Variants in CWC25 observed in about 807,000 individuals in gnomAD.
The protein encoded by CWC25 is pre-mRNA-splicing factor CWC25 homolog.
CWC25 carries 31 observed loss-of-function variants against 54.6 expected under a neutral mutation model. The ratio of observed to expected loss-of-function variants is 0.57; its 90% CI spans 0.43 to 0.77. The LOEUF is 0.77. Ranked by LOEUF, CWC25 falls within the 30% of genes least tolerant of loss-of-function variation. The pLI is 0.00. For synonymous variants in CWC25, 151 were observed against 187.0 expected (o/e 0.81, Z 1.57); for missense variants, 453 against 529.3 (o/e 0.86, Z 1.41).
chr17:38,806,457 T>C lies in CWC25; in HGVS notation c.903-62A>G, dbSNP rs1451200030. On this transcript the variant is annotated intron_variant, in intron 7 of 9. Coordinates refer to ENST00000614790, the MANE Select transcript of CWC25 (RefSeq NM_017748.5). ...TTTTGGTCCAGGGGCTTACACTGAA[T>C]CCCTCAAACAATGCAAGATGAGCTA... 2.2e-6 allele frequency: 3 copies of C among 1,340,370 alleles called. No homozygotes were observed. In the African/African-American group the frequency reaches 4.3e-5, roughly 19 times the overall value. The allele number at this position is 1,340,370 out of a possible 1,614,324, so 83.0% of individuals were successfully genotyped here.
chr17:38,805,028 G>A (rs1021909349), intron 8 of CWC25, among the ~76,000 whole-genome samples: 25 of 151,676 alleles, frequency 1.6e-4, no homozygotes, highest in African/African-American at 5.8e-4. Context: ...AATCACTTGG[G>A]CCCAGGAGGC....
At chr17:38,802,658 C>T (rs1033634754) in intron 9 of CWC25, 42 bp downstream of exon 9, 1 of 1,609,160 alleles carries the variant, frequency 6.2e-7, no homozygotes, top group African/African-American at 1.3e-5. Context: ...CCTCTTAAGA[C>T]CTTCCCCATG....
chr17:38,810,920 CAAAAAAAAAA>C (rs71352314), intron 4 of CWC25, among the ~76,000 whole-genome samples: 4 of 71,406 alleles, frequency 5.6e-5, no homozygotes, highest in East Asian at 4.2e-4. Context: ...AACTGTGTCT[CAAAAAAAAAA>C]AAAAAAAAAA....
intron 1 of CWC25, 115 bp from the exon 2 acceptor site, chr17:38,821,188 G>T: frequency 1.1e-6 from 1 of 950,848 alleles, no homozygotes; most frequent in Non-Finnish European, 1.6e-6. Flanking sequence ...AGGGCAAGAT[G>T]TCTTCAACAA....
intron 3 of CWC25, among the ~76,000 whole-genome samples, chr17:38,813,828 T>C (rs1280571555): frequency 6.6e-6 from 1 of 151,722 alleles, no homozygotes; most frequent in East Asian, 1.9e-4. Flanking sequence ...ACAGGTGTGA[T>C]CCACCGTACC....
intron 6 of CWC25, among the ~76,000 whole-genome samples, chr17:38,807,596 A>C (rs1196052783): frequency 7.2e-6 from 1 of 138,786 alleles, no homozygotes; most frequent in African/African-American, 2.6e-5. Context: ...TCTCTACAAA[A>C]TATTTAAAAA....
chr17:38,812,730 GGA>G, intron 4 of CWC25, 63 bp downstream of exon 4: 1 of 935,156 alleles, frequency 1.1e-6, no homozygotes, highest in Non-Finnish European at 1.7e-6. Context: ...GAGAGTAAAT[GGA>G]GAGACGTTCT....
At chr17:38,802,623 G>T in intron 9 of CWC25, 77 bp downstream of exon 9, 1 of 1,538,964 alleles carries the variant, frequency 6.5e-7, no homozygotes. Context: ...CAGAAACACT[G>T]GAACGGGAAC....
At chr17:38,814,273 A>T (rs1416032358) in intron 3 of CWC25, among the ~76,000 whole-genome samples, 1 of 149,592 alleles carries the variant, frequency 6.7e-6, no homozygotes, top group East Asian at 2.0e-4. Flanking sequence ...TTATTTATTT[A>T]TTTTTATTTT....
intron 4 of CWC25, among the ~76,000 whole-genome samples, chr17:38,811,648 C>A (rs1389568393): frequency 2.0e-5 from 3 of 152,012 alleles, no homozygotes; most frequent in African/African-American, 4.8e-5. Context: ...CTACAGAAGT[C>A]CAGGACATTA....
intron 4 of CWC25, among the ~76,000 whole-genome samples, chr17:38,811,962 G>A (rs1050887209): frequency 2.0e-5 from 3 of 150,902 alleles, no homozygotes; most frequent in African/African-American, 7.3e-5. Context: ...TTTTGAGACA[G>A]AGTTTCGCTC....
intron 3 of CWC25, among the ~76,000 whole-genome samples, chr17:38,813,766 T>C (rs551114373): frequency 6.6e-6 from 1 of 152,168 alleles, no homozygotes; most frequent in African/African-American, 2.4e-5. Context: ...CTGGTCTCAA[T>C]TTCCTGGGCT....
At chr17:38,803,369 C>T (rs1008726446) in intron 8 of CWC25, among the ~76,000 whole-genome samples, 1 of 152,218 alleles carries the variant, frequency 6.6e-6, no homozygotes, top group Non-Finnish European at 1.5e-5. Flanking sequence ...GTGGCTCACG[C>T]CTGTAATCCC....
intron 6 of CWC25, among the ~76,000 whole-genome samples, chr17:38,808,344 T>A (rs1911341923): frequency 7.4e-6 from 1 of 135,356 alleles, no homozygotes; most frequent in Admixed American, 8.0e-5. Context: ...ATCGCACCAT[T>A]GCACTCCAGC....
chr17:38,809,803 A>G (rs1307099752), intron 5 of CWC25, 38 bp from the exon 6 acceptor site: 1 of 1,571,024 alleles, frequency 6.4e-7, no homozygotes, highest in Non-Finnish European at 8.7e-7. Flanking sequence ...TGAAAAAGAA[A>G]ATATATATAG....
chr17:38,805,639 AG>A (rs1179547992), intron 8 of CWC25, among the ~76,000 whole-genome samples: 1 of 151,814 alleles, frequency 6.6e-6, no homozygotes, highest in African/African-American at 2.4e-5. Context: ...TTTTTTAAAG[AG>A]GGTTTAATTT....
chr17:38,818,986 T>C (rs997717493), intron 2 of CWC25, among the ~76,000 whole-genome samples: 1 of 151,750 alleles, frequency 6.6e-6, no homozygotes, highest in Non-Finnish European at 1.5e-5. Flanking sequence ...TTATGACTAA[T>C]GGGTATTCAG....
At chr17:38,824,569 C>T (rs1462794507) in intron 1 of CWC25, among the ~76,000 whole-genome samples, 1 of 152,084 alleles carries the variant, frequency 6.6e-6, no homozygotes, top group Non-Finnish European at 1.5e-5. Flanking sequence ...GCCTGTAATC[C>T]CAGCTACTCG....
chr17:38,816,245 T>G (rs1269492191), intron 2 of CWC25, among the ~76,000 whole-genome samples: 11 of 152,102 alleles, frequency 7.2e-5, no homozygotes, highest in Admixed American at 7.2e-4. Context: ...AATATGACTT[T>G]TTTGTTCTTT....
Sources: gnomAD v4.1 joint callset for allele counts (sites outside exome capture counted in the v4.1 genomes callset) on GRCh38, gnomAD v4.1.1 for gene constraint, MANE v1.5 for transcripts, NCBI Gene and HGNC (gene_info 2026-07-23, HGNC 2026-07-21) for gene names.